The following DOCK1 variants were observed in gnomAD, a reference collection of about 807,000 sequenced individuals.
DOCK1 encodes the protein dedicator of cytokinesis 1.
Under a neutral mutation model 262.7 loss-of-function variants are expected in DOCK1, and 138 were observed. The ratio of observed to expected loss-of-function variants is 0.53; its 90% CI spans 0.46 to 0.61. The LOEUF is 0.61. Among genes scored for constraint, DOCK1 ranks in the 20% least tolerant of loss-of-function variants. DOCK1 has a pLI of 0.00. For missense variants in DOCK1, 1,908 were observed against 2,370.7 expected (o/e 0.80, Z 4.05); for synonymous variants, 866 against 867.4 (o/e 1.00, Z 0.03).
At chr10:127,165,877 A>G (rs2133755825) in intron 27 of DOCK1, among the ~76,000 whole-genome samples, 1 of 152,216 alleles carries the variant, frequency 6.6e-6, no homozygotes, top group Non-Finnish European at 1.5e-5. Context: ...TATTTATGGG[A>G]CCCTCTCAAT....
intron 1 of DOCK1, among the ~76,000 whole-genome samples, chr10:126,962,764 T>C (rs1417855559): frequency 6.6e-6 from 1 of 152,248 alleles, no homozygotes; most frequent in Admixed American, 6.5e-5. Context: ...TTTCTTTTGT[T>C]GCCTGTACTT....
chr10:126,947,343 G>GTGA lies in DOCK1; in HGVS notation c.47-23356_47-23354dup, dbSNP rs2035523163. ...GTGGTGGTTGGTAGTATTACTGTTG[G>GTGA]TGATGGTGGTGGTTGGTAGTATTAC... On this transcript the variant is annotated intron_variant, in intron 1 of 51. Coordinates refer to ENST00000623213, the MANE Select transcript of DOCK1 (RefSeq NM_001290223.2). Among the ~76,000 whole-genome samples the GTGA allele has an allele frequency of 2.7e-5, 4 of 147,740 alleles. No homozygotes were observed. The South Asian group carries it at 6.7e-4, about 25-fold the overall frequency.
chr10:127,036,988 A>AG (rs1037858238), intron 18 of DOCK1, among the ~76,000 whole-genome samples: 2 of 150,624 alleles, frequency 1.3e-5, no homozygotes, highest in African/African-American at 4.9e-5. Flanking sequence ...AAGGAAAAAA[A>AG]AAAAAAAAAG....
At chr10:127,130,525 G>A (rs2050259502) in intron 27 of DOCK1, among the ~76,000 whole-genome samples, 1 of 152,210 alleles carries the variant, frequency 6.6e-6, no homozygotes, top group African/African-American at 2.4e-5. Flanking sequence ...ATTATAAGAT[G>A]TGCTCACAGC....
chr10:127,171,920 G>A (rs568889055), intron 27 of DOCK1, among the ~76,000 whole-genome samples: 8 of 152,234 alleles, frequency 5.3e-5, no homozygotes, highest in Admixed American at 1.3e-4. Context: ...GGCCAGACTG[G>A]TCTCAAACTC....
chr10:127,207,250 C>T (rs184382447), intron 27 of DOCK1, among the ~76,000 whole-genome samples: 9 of 152,236 alleles, frequency 5.9e-5, no homozygotes, highest in Admixed American at 6.5e-5. Flanking sequence ...CTAAAATCTC[C>T]GTGAAACTGG....
chr10:127,154,036 G>A (rs1355143928), intron 27 of DOCK1: 1 of 740,396 alleles, frequency 1.4e-6, no homozygotes, highest in African/African-American at 1.8e-5. Flanking sequence ...CATGGTCATG[G>A]AAATTGATTA....
chr10:127,023,149 A>T, intron 13 of DOCK1, 51 bp from the exon 14 acceptor site: 1 of 1,597,314 alleles, frequency 6.3e-7, no homozygotes, highest in Non-Finnish European at 8.5e-7. Context: ...ATTCACAATT[A>T]CGCTATTAAT....
At position 127,147,262 on chromosome 10, in the gene DOCK1, G is replaced by A. The variant is rs149418347; in HGVS notation, c.2847+19498G>A. Among the ~76,000 whole-genome samples the A allele has an allele frequency of 1.2e-4, 18 of 152,236 alleles. No homozygotes were observed. In the East Asian group the frequency reaches 1.4e-3, roughly 11 times the overall value. ...GTCTAAGGGGGAGTGTTCACGGGTC[G>A]CGAGGTTTCCCATCCATCCTTGGGG... On this transcript the variant is annotated intron_variant, in intron 27 of 51. Transcript: ENST00000623213.
chr10:127,259,024 TC>T (rs2059922267), intron 29 of DOCK1, among the ~76,000 whole-genome samples: 2 of 152,030 alleles, frequency 1.3e-5, no homozygotes, highest in South Asian at 4.2e-4. Context: ...CCTACAAACC[TC>T]CCCGAGGGGT....
intron 29 of DOCK1, among the ~76,000 whole-genome samples, chr10:127,334,704 A>T (rs183108843): frequency 5.3e-5 from 8 of 152,206 alleles, no homozygotes; most frequent in Non-Finnish European, 1.0e-4. Context: ...ATTACAAATA[A>T]TCCTTCCTTA....
At chr10:127,304,998 C>T (rs1207099587) in intron 29 of DOCK1, among the ~76,000 whole-genome samples, 2 of 152,114 alleles carry the variant, frequency 1.3e-5, no homozygotes, top group East Asian at 1.9e-4. Flanking sequence ...TCTTTTTGAA[C>T]GTGGTTCCAC....
intron 43 of DOCK1, among the ~76,000 whole-genome samples, chr10:127,414,212 CCA>C (rs1211102156): frequency 5.9e-5 from 9 of 152,138 alleles, no homozygotes; most frequent in African/African-American, 1.9e-4. Flanking sequence ...CACGCTTGTC[CCA>C]GTTTTCTGGA....
chr10:127,181,331 G>A (rs543286270), intron 27 of DOCK1, among the ~76,000 whole-genome samples: 1 of 152,284 alleles, frequency 6.6e-6, no homozygotes, highest in South Asian at 2.1e-4. Flanking sequence ...TAGTCTGAAG[G>A]CAATTTTGTG....
At chr10:127,075,982 G>A (rs80254065) in intron 23 of DOCK1, among the ~76,000 whole-genome samples, 24,339 of 152,146 alleles carry the variant, frequency 0.16, 2,424 homozygotes, top group South Asian at 0.35. Flanking sequence ...TCTTATGTGT[G>A]TTTTTGAGTG....
chr10:127,417,191 G>T (rs1192475373), intron 44 of DOCK1, among the ~76,000 whole-genome samples: 1 of 152,190 alleles, frequency 6.6e-6, no homozygotes, highest in Non-Finnish European at 1.5e-5. Flanking sequence ...CGCTTCCTTT[G>T]GAAGGAGCAA....
At chr10:127,362,843 A>ACGTCCC in intron 33 of DOCK1, among the ~76,000 whole-genome samples, 1 of 2,150 alleles carries the variant, frequency 4.7e-4, no homozygotes, top group Non-Finnish European at 1.0e-3. Flanking sequence ...ACATACACAC[A>ACGTCCC]CACACACACA....
intron 38 of DOCK1, among the ~76,000 whole-genome samples, chr10:127,397,955 G>A (rs917312018): frequency 6.6e-6 from 1 of 152,186 alleles, no homozygotes; most frequent in Non-Finnish European, 1.5e-5. Context: ...GACACAGGAA[G>A]CGACTCCTGT....
intron 15 of DOCK1, 91 bp downstream of exon 15, chr10:127,024,874 C>A (rs750442850): frequency 1.1e-5 from 13 of 1,148,276 alleles, no homozygotes; most frequent in Non-Finnish European, 1.6e-5. Flanking sequence ...CTCCTCAGCC[C>A]GGGAGCTGCT....
Sources: gnomAD v4.1 joint callset for allele counts (sites outside exome capture counted in the v4.1 genomes callset) on GRCh38, gnomAD v4.1.1 for gene constraint, MANE v1.5 for transcripts, NCBI Gene and HGNC (gene_info 2026-07-23, HGNC 2026-07-21) for gene names.